The following SORCS2 variants were observed in gnomAD, a reference collection of about 807,000 sequenced individuals.
SORCS2 encodes VPS10 domain-containing receptor SorCS2.
A neutral mutation model predicts 141.6 loss-of-function variants in SORCS2; 100 were observed. That is an observed-to-expected ratio of 0.71 (90% CI 0.60 to 0.83). The LOEUF is 0.83. Among genes scored for constraint, SORCS2 ranks in the 40% least tolerant of loss-of-function variants. SORCS2 has a pLI of 0.00. For missense variants in SORCS2, 1,646 were observed against 1,560.2 expected (o/e 1.05, Z -0.93); for synonymous variants, 789 against 676.9 (o/e 1.17, Z -2.57).
At chr4:7,362,821 CACCATCATTACT>C (rs1721661038) in intron 1 of SORCS2, among the ~76,000 whole-genome samples, 1 of 151,888 alleles carries the variant, frequency 6.6e-6, no homozygotes, top group Admixed American at 6.6e-5. Flanking sequence ...CCACCAACAC[CACCATCATTACT>C]ACCATCATCA....
chr4:7,587,134 G>A (rs1191213178), intron 3 of SORCS2, among the ~76,000 whole-genome samples: 4 of 152,098 alleles, frequency 2.6e-5, no homozygotes, highest in Non-Finnish European at 5.9e-5. Context: ...CCACCAGGAA[G>A]AACATAATTG....
intron 2 of SORCS2, among the ~76,000 whole-genome samples, chr4:7,470,183 T>TCCTCCCATC (rs368376320): frequency 0.011 from 1,645 of 151,452 alleles, 24 homozygotes; most frequent in African/African-American, 0.039. Flanking sequence ...CATCCTCCCA[T>TCCTCCCATC]CCTCCCATCC....
At chr4:7,700,419 T>C (rs1724986525) in intron 12 of SORCS2, among the ~76,000 whole-genome samples, 1 of 152,138 alleles carries the variant, frequency 6.6e-6, no homozygotes, top group Admixed American at 6.5e-5. Context: ...GCTATGAATC[T>C]GTAGGGGCCA....
At chr4:7,683,425 TCTTGTCTGGGCTTGCTC>T (rs879728549) in intron 10 of SORCS2, among the ~76,000 whole-genome samples, 94,755 of 145,870 alleles carry the variant, frequency 0.65, 33,527 homozygotes, top group African/African-American at 0.69. Flanking sequence ...GCTCTGCTGA[TCTTGTCTGGGCTTGCTC>T]ATGTCAGGGA....
chr4:7,378,493 C>A (rs966718175), intron 1 of SORCS2, among the ~76,000 whole-genome samples: 2 of 152,132 alleles, frequency 1.3e-5, no homozygotes, highest in East Asian at 3.8e-4. Flanking sequence ...AAGTGCCAAG[C>A]GAAGGGGGAA....
At chr4:7,653,769 C>T (rs138562448) in intron 4 of SORCS2, among the ~76,000 whole-genome samples, 99 of 152,336 alleles carry the variant, frequency 6.5e-4, no homozygotes, top group Admixed American at 6.5e-4. Context: ...CCGTTCACTG[C>T]TCCAGCCCTG....
At chr4:7,477,937 G>A (rs1207414346) in intron 2 of SORCS2, among the ~76,000 whole-genome samples, 1 of 152,174 alleles carries the variant, frequency 6.6e-6, no homozygotes, top group Non-Finnish European at 1.5e-5. Flanking sequence ...TCATCGTGTT[G>A]GCTATCGCGC....
At chr4:7,432,805 G>C (rs1292225680) in intron 2 of SORCS2, 4 of 152,658 alleles carry the variant, frequency 2.6e-5, no homozygotes, top group African/African-American at 9.7e-5. Context: ...GCCACCCCCA[G>C]GGACTCCAGG....
chr4:7,665,282 G>A (rs542328439), intron 7 of SORCS2, among the ~76,000 whole-genome samples: 2 of 152,260 alleles, frequency 1.3e-5, no homozygotes, highest in East Asian at 3.9e-4. Context: ...GGGCCACCAA[G>A]GAGTTAGGCG....
At chr4:7,671,725 A>C (rs1251678295) in intron 8 of SORCS2, among the ~76,000 whole-genome samples, 2 of 152,160 alleles carry the variant, frequency 1.3e-5, no homozygotes, top group Non-Finnish European at 2.9e-5. Context: ...GACATCATCA[A>C]GCAGACCAAC....
At chr4:7,534,694 C>G (rs1220984004) in intron 3 of SORCS2, among the ~76,000 whole-genome samples, 2 of 152,066 alleles carry the variant, frequency 1.3e-5, no homozygotes, top group East Asian at 3.9e-4. Context: ...GTTGGGGCCA[C>G]AAGCCAAGGA....
chr4:7,210,710 A>G (rs999509506), intron 1 of SORCS2, among the ~76,000 whole-genome samples: 3 of 152,206 alleles, frequency 2.0e-5, no homozygotes, highest in African/African-American at 7.2e-5. Flanking sequence ...TGTAAAATGC[A>G]GGTGTATGGT....
At chr4:7,676,828 T>TCC (rs1723171055) in intron 9 of SORCS2, among the ~76,000 whole-genome samples, 1 of 112,336 alleles carries the variant, frequency 8.9e-6, no homozygotes, top group South Asian at 3.3e-4. Context: ...TCTCTCTCTC[T>TCC]CCCTCTCTCC....
At position 7,695,916 on chromosome 4, in the gene SORCS2, A is replaced by G. The variant is rs1560490923; in HGVS notation, c.1592-1282A>G. Among the ~76,000 whole-genome samples the G allele has an allele frequency of 8.6e-5, 9 of 105,038 alleles. No homozygotes were observed. The East Asian group carries it at 1.3e-3, about 15-fold the overall frequency. The allele number at this position is 105,038 out of a possible 152,430, so 68.9% of individuals were successfully genotyped here. On this transcript the variant is annotated intron_variant, in intron 11 of 26. Transcript: ENST00000507866. ...GATGGATGGATGGATGGATGGATGG[A>G]TGGATGGATTGGTGGGTGGGTGGGT...
intron 3 of SORCS2, among the ~76,000 whole-genome samples, chr4:7,610,423 C>T (rs1280152193): frequency 1.3e-5 from 2 of 152,186 alleles, no homozygotes; most frequent in Non-Finnish European, 2.9e-5. Flanking sequence ...CCTGTCTGTG[C>T]ATACCTCCAC....
intron 1 of SORCS2, among the ~76,000 whole-genome samples, chr4:7,369,560 C>T (rs1368498125): frequency 3.9e-5 from 6 of 152,188 alleles, no homozygotes; most frequent in African/African-American, 1.4e-4. Context: ...GTGTCTACCC[C>T]GGAGACCCTG....
chr4:7,712,448 G>A lies in SORCS2; in HGVS notation c.1869-285G>A, dbSNP rs79342296. 6.2e-3 allele frequency among the ~76,000 whole-genome samples: 947 copies of A among 152,324 alleles called. 12 individuals are homozygous for A. The highest frequency in any genetic ancestry group is 6.0e-3 in the East Asian group (31 of 5,168). ...GGGCCTCCTTCCCTGTCCATCAAGC[G>A]GGGCCACTGGGGGCCAACCAGAGCG... On this transcript the variant is annotated intron_variant, in intron 14 of 26. Coordinates refer to ENST00000507866, the MANE Select transcript of SORCS2 (RefSeq NM_020777.3).
At chr4:7,512,534 T>C (rs1409139684) in intron 2 of SORCS2, among the ~76,000 whole-genome samples, 1 of 152,122 alleles carries the variant, frequency 6.6e-6, no homozygotes, top group African/African-American at 2.4e-5. Flanking sequence ...TGCCACTCAC[T>C]GGTCTACAGC....
At chr4:7,658,604 G>A (rs1721953894) in intron 5 of SORCS2, among the ~76,000 whole-genome samples, 1 of 152,236 alleles carries the variant, frequency 6.6e-6, no homozygotes, top group African/African-American at 2.4e-5. Flanking sequence ...TGATGCTGGT[G>A]CCCCTGTGTT....
Sources: allele counts gnomAD v4.1 joint callset (sites outside exome capture counted in the v4.1 genomes callset), GRCh38; gene constraint gnomAD v4.1.1; transcripts MANE v1.5; gene names NCBI Gene and HGNC (gene_info 2026-07-23, HGNC 2026-07-21).